Variants in ART5 observed in about 807,000 individuals in gnomAD.
The protein encoded by ART5 is ADP-ribosyltransferase 5, also known as ecto-ADP-ribosyltransferase 5.
Under a neutral mutation model 25.0 loss-of-function variants are expected in ART5, and 22 were observed. The ratio of observed to expected loss-of-function variants is 0.88; its 90% CI spans 0.63 to 1.26. The LOEUF is 1.26. Ranked by LOEUF, ART5 falls within the 50% of genes most tolerant of loss-of-function variation. The pLI is 0.00. For missense variants in ART5, 402 were observed against 372.8 expected (o/e 1.08, Z -0.64); for synonymous variants, 161 against 154.8 (o/e 1.04, Z -0.30).
upstream of ART5, chr11:3,642,093 A>C: frequency 7.1e-7 from 1 of 1,402,782 alleles, no homozygotes; most frequent in African/African-American, 1.5e-5. Context: ...CAGAGCCTCC[A>C]GTCTGGGGAC....
intron 1 of ART5, among the ~76,000 whole-genome samples, chr11:3,641,536 T>C (rs1054566687): frequency 1.3e-5 from 2 of 152,116 alleles, no homozygotes; most frequent in Admixed American, 6.5e-5. Flanking sequence ...AAGGAGGCTT[T>C]GCCGGGCTGT....
At chr11:3,639,479 C>A (rs1341278117) in intron 2 of ART5, among the ~76,000 whole-genome samples, 163 bp downstream of exon 2, 4 of 152,108 alleles carry the variant, frequency 2.6e-5, no homozygotes. Context: ...TATAGGACCC[C>A]AAAAAACCTG....
rs1421342543 is a variant in ART5 at position 3,641,928 on chromosome 11, T to C, written c.-66A>G. 1 of 1,540,510 alleles carries C rather than the reference T, an allele frequency of 6.5e-7. No individual in the cohort carries two copies. The highest frequency in any genetic ancestry group is 1.4e-5 in the African/African-American group (1 of 72,976). On this transcript the variant is annotated 5_prime_UTR_variant, in exon 1 of 4. Coordinates refer to ENST00000397068, the MANE Select transcript of ART5 (RefSeq NM_053017.5). ...GGGACCAGAGGTGCTGGAGTCCTGG[T>C]TTCGAGGGGCTGGAGGCAGATCTGG...
Position 3,640,376 on chromosome 11 carries a change from G to T in ART5, c.58-5C>A, listed in dbSNP as rs764830568. On this transcript the variant is annotated splice_polypyrimidine_tract_variant and splice_region_variant and intron_variant, in intron 1 of 3. Transcript: ENST00000397068. ...CAGGATGGGAACAGCCTGGGCCTGT[G>T]GAGCAAAAGAGGTGCCACACCGAAA... The T allele has an allele frequency of 1.9e-6, 3 of 1,582,464 alleles. No homozygotes were observed. The highest frequency in any genetic ancestry group is 3.4e-4 in the Middle Eastern group (2 of 5,904).
rs746248716 is a variant in ART5, at chr11:3,639,082, C to A, written c.788-47G>T. 6.5e-6 allele frequency: 10 copies of A among 1,547,430 alleles called. No individual in the cohort carries two copies. The African/African-American group carries it at 1.1e-4, about 17-fold the overall frequency. On this transcript the variant is annotated intron_variant, in intron 2 of 3. Transcript: ENST00000397068. ...GGCCTCCGCGTGGACAGACTCGCAC[C>A]CAAACTGCCTGGCCCACCAGGCCCT...
At chr11:3,640,696 A>G (rs945110563) in intron 1 of ART5, among the ~76,000 whole-genome samples, 1 of 151,730 alleles carries the variant, frequency 6.6e-6, no homozygotes, top group African/African-American at 2.4e-5. Context: ...CAGCCTCCCA[A>G]CTAACTGGGA....
chr11:3,642,004 G>A (rs2077408255), upstream of ART5: 2 of 1,458,380 alleles, frequency 1.4e-6, no homozygotes, highest in Non-Finnish European at 1.8e-6. Flanking sequence ...GGGCCCCGGC[G>A]GGGCGTGGGC....
upstream of ART5, chr11:3,642,218 G>C (rs1345305379): frequency 8.7e-7 from 1 of 1,151,548 alleles, no homozygotes; most frequent in Non-Finnish European, 1.1e-6. Flanking sequence ...GAGCGCCGAG[G>C]GCTCTGGCGG....
chr11:3,639,617 C>T (rs2077361248), intron 2 of ART5, 25 bp downstream of exon 2: 1 of 1,581,422 alleles, frequency 6.3e-7, no homozygotes, highest in South Asian at 1.2e-5. Flanking sequence ...CACTGCCAGT[C>T]CTGCTTCCCC....
At chr11:3,641,731 C>T in intron 1 of ART5, 75 bp downstream of exon 1, 1 of 1,542,376 alleles carries the variant, frequency 6.5e-7, no homozygotes, top group Non-Finnish European at 8.8e-7. Flanking sequence ...TGTGAGGAGT[C>T]AGCCCCGGGT....
intron 3 of ART5, 102 bp downstream of exon 3, chr11:3,638,901 T>C (rs1400872508): frequency 1.2e-6 from 2 of 1,606,326 alleles, no homozygotes; most frequent in African/African-American, 1.3e-5. Context: ...CCCCTCAGAT[T>C]GTGACCCTAG....
chr11:3,640,844 C>A (rs1457993931), intron 1 of ART5, among the ~76,000 whole-genome samples: 1 of 152,202 alleles, frequency 6.6e-6, no homozygotes. Flanking sequence ...CGGGTTCAAG[C>A]AATTCTCCTC....
rs1444002113 is a variant in ART5, at chr11:3,639,956, A to G, written c.473T>C (p.Val158Ala). The G allele has an allele frequency of 4.3e-6, 7 of 1,614,088 alleles. No homozygotes were observed. Among genetic ancestry groups the G allele is most frequent in the South Asian group, 1.1e-5 (1 of 91,074 alleles). ...GGCSRGPGEV[V>A]FRGVGSLRFE... ...GCGAAGGCTGCCCACACCTCGGAACACCACCTCCCCAGGTCCCCTGCTGCA... is the reference window on the plus strand; with the variant it reads ...GCGAAGGCTGCCCACACCTCGGAACGCCACCTCCCCAGGTCCCCTGCTGCA... The change falls in exon 2 of 4, where the codon GTG becomes GCG. Residue 158 changes from valine to alanine, a missense_variant. Transcript: ENST00000397068.
In ART5 at chr11:3,640,323, C is replaced by T. The variant is rs757988094; in HGVS notation, c.106G>A (p.Asp36Asn). Reference sequence around the variant, plus strand: ...TCTGCACAACCCACATAGGTATCGTCAAAGGTGTCTGGAGCCAGGCCCAGG... The same window carrying T: ...TCTGCACAACCCACATAGGTATCGTTAAAGGTGTCTGGAGCCAGGCCCAGG... ...LPLGLAPDTF[D>N]DTYVGCAEEM... Residue 36 changes from aspartate (D) to asparagine (N), a missense_variant, in exon 2 of 4, where the codon GAC (aspartate) becomes AAC (asparagine). By Grantham distance (23) the Asp-to-Asn change is conservative. Transcript: ENST00000397068. The T allele has an allele frequency of 1.2e-6, 2 of 1,607,392 alleles. No homozygotes were observed. Among genetic ancestry groups the T allele is most frequent in the Non-Finnish European group, 1.7e-6 (2 of 1,178,450 alleles).
Position 3,641,820 on chromosome 11 carries a change from G to T in ART5, c.43C>A (p.Leu15Ile). 1 of 1,578,600 alleles carries T rather than the reference G, an allele frequency of 6.3e-7. No individual in the cohort carries two copies. Among genetic ancestry groups the T allele is most frequent in the Non-Finnish European group, 8.6e-7 (1 of 1,162,880 alleles). Reference protein sequence around the residue: ...ALMIALGSLGLHTWQAQAVPI... With the variant: ...ALMIALGSLGIHTWQAQAVPI... ...CCTGGAGTTACCTGCCAGGTGTGGAGGCCGAGGCTGCCGAGGGCGATCATC... is the reference window on the plus strand; with the variant it reads ...CCTGGAGTTACCTGCCAGGTGTGGATGCCGAGGCTGCCGAGGGCGATCATC... Residue 15 changes from leucine to isoleucine, a missense_variant, in exon 1 of 4, where the codon CTC becomes ATC. Physicochemically the swap from Leu to Ile is conservative, Grantham distance 5. Coordinates refer to ENST00000397068, the MANE Select transcript of ART5 (RefSeq NM_053017.5).
intron 2 of ART5, among the ~76,000 whole-genome samples, chr11:3,639,422 A>G (rs986945568): frequency 1.1e-4 from 16 of 152,186 alleles, no homozygotes; most frequent in Non-Finnish European, 1.8e-4. Context: ...GACCCTTTTG[A>G]GGACATATAG....
At position 3,639,158 on chromosome 11, in the gene ART5, A is replaced by T. The variant is rs948055324; in HGVS notation, c.788-123T>A. 6.2e-6 allele frequency: 7 copies of T among 1,131,160 alleles called. No homozygotes were observed. In the East Asian group the frequency reaches 7.8e-5, roughly 13 times the overall value. The allele number at this position is 1,131,160 out of a possible 1,614,324, so 70.1% of individuals were successfully genotyped here. On this transcript the variant is annotated intron_variant, in intron 2 of 3. Coordinates refer to ENST00000397068, the MANE Select transcript of ART5 (RefSeq NM_053017.5). ...TATCTTTCCCTTCACCTAAAGGGAAACTTCTGATTTCCCTTCCTCCTCCGT... is the reference window on the plus strand; with the variant it reads ...TATCTTTCCCTTCACCTAAAGGGAATCTTCTGATTTCCCTTCCTCCTCCGT...
intron 2 of ART5, 142 bp from the exon 3 acceptor site, chr11:3,639,177 C>T (rs2077355852): frequency 2.1e-6 from 2 of 959,282 alleles, no homozygotes; most frequent in Admixed American, 5.3e-5. Context: ...TTCCCTTCCT[C>T]CTCCGTCCTC....
At chr11:3,642,093 A>G, upstream of ART5, 1 of 1,402,782 alleles carries the variant, frequency 7.1e-7, no homozygotes, top group Non-Finnish European at 9.3e-7. Context: ...CAGAGCCTCC[A>G]GTCTGGGGAC....
Sources: allele counts gnomAD v4.1 joint callset (sites outside exome capture counted in the v4.1 genomes callset), GRCh38; gene constraint gnomAD v4.1.1; transcripts MANE v1.5; gene names NCBI Gene and HGNC (gene_info 2026-07-23, HGNC 2026-07-21).